The following AP3B2 variants were observed in gnomAD, a reference collection of about 807,000 sequenced individuals.
The protein encoded by AP3B2 is AP-3 complex subunit beta-2.
Under a neutral mutation model 126.9 loss-of-function variants are expected in AP3B2, and 50 were observed. The observed-to-expected ratio is 0.39, with a 90% CI of 0.31 to 0.50. AP3B2 has a LOEUF of 0.50. AP3B2 is among the 20% of genes least tolerant of loss of function. The probability of loss-of-function intolerance (pLI) is 0.79; values close to 1 mark genes in which losing one functional copy is unlikely to be tolerated. For missense variants in AP3B2, 1,177 were observed against 1,426.4 expected (o/e 0.83, Z 2.82); for synonymous variants, 541 against 565.0 (o/e 0.96, Z 0.60).
chr15:82,663,085 G>A (rs1403910527), intron 22 of AP3B2, 42 bp downstream of exon 22: 1 of 1,541,134 alleles, frequency 6.5e-7, no homozygotes, highest in African/African-American at 1.4e-5. Context: ...GCACAGGGAT[G>A]TGTCCCTGCC....
Position 82,665,313 on chromosome 15 carries a change from T to G in AP3B2, c.1972-10A>C, listed in dbSNP as rs572484411. The G allele has an allele frequency of 6.0e-5, 94 of 1,573,952 alleles. 1 individual carries two copies. The Admixed American group carries it at 8.6e-4, about 14-fold the overall frequency. ...GGGAGAGATCTTCTTCCTGTGTGTG[T>G]GGGGGAGGGTGTTAGGAGGGCTGGG... On this transcript the variant is annotated splice_polypyrimidine_tract_variant and intron_variant, in intron 16 of 26. Coordinates refer to ENST00000535359, the MANE Select transcript of AP3B2 (RefSeq NM_001278512.2). This position sits in a 1 kb window ranked among gnomAD's most constrained non-coding sequence, Gnocchi z 4.4.
chr15:82,674,968 T>C (rs557829133), intron 14 of AP3B2, among the ~76,000 whole-genome samples: 19 of 152,382 alleles, frequency 1.2e-4, no homozygotes, highest in African/African-American at 4.6e-4. Flanking sequence ...TTTAGGACTC[T>C]GGCTCATTGC....
At position 82,664,239 on chromosome 15, in the gene AP3B2, G is replaced by A; in HGVS notation, c.2261+128C>T. On this transcript the variant is annotated intron_variant, in intron 19 of 26. Transcript: ENST00000535359. This position sits in a 1 kb window ranked among gnomAD's most constrained non-coding sequence, Gnocchi z 4.5. ...GCCAGCGAAAGTAGGCGTCATGTGA[G>A]CTGACAGCCCCACCCAGCTCACGAG... 3 of 1,460,838 alleles carry A rather than the reference G, an allele frequency of 2.1e-6. No individual in the cohort carries two copies. The highest frequency in any genetic ancestry group is 2.8e-6 in the Non-Finnish European group (3 of 1,079,062). 90.5% of individuals were successfully genotyped at this position (1,460,838 alleles called of 1,614,324 possible).
intron 14 of AP3B2, 75 bp from the exon 15 acceptor site, chr15:82,667,008 GC>G: frequency 6.1e-6 from 9 of 1,466,106 alleles, no homozygotes; most frequent in Non-Finnish European, 8.4e-6. Flanking sequence ...GATTCTTTAA[GC>G]CGACACTTTC....
intron 1 of AP3B2, chr15:82,689,705 T>G: frequency 2.0e-6 from 1 of 510,136 alleles, no homozygotes; most frequent in East Asian, 3.4e-5. Flanking sequence ...TACCTCAGAA[T>G]GTAACCTTAT....
intron 1 of AP3B2, chr15:82,692,829 A>C (rs1271463950): frequency 6.6e-6 from 1 of 152,106 alleles, no homozygotes; most frequent in Non-Finnish European, 1.5e-5. Context: ...GATCCCTTGC[A>C]CTTGGCTGAG....
At chr15:82,667,956 C>A (rs138070579) in intron 14 of AP3B2, among the ~76,000 whole-genome samples, 4 of 152,232 alleles carry the variant, frequency 2.6e-5, no homozygotes, top group South Asian at 2.1e-4. Context: ...AAGTGGTCAA[C>A]AAGCAGAATG....
At position 82,677,391 on chromosome 15, in the gene AP3B2, A is replaced by G. The variant is rs1164759471; in HGVS notation, c.1379-8T>C. 3 of 1,612,460 alleles carry G rather than the reference A, an allele frequency of 1.9e-6. No homozygotes were observed. ...ACTCTGCAACCACAAGCTCTACAGA[A>G]CAAAAATGAGTGTGTGGACCCCAAG... On this transcript the variant is annotated splice_region_variant and splice_polypyrimidine_tract_variant and intron_variant, in intron 12 of 26. Coordinates refer to ENST00000535359, the MANE Select transcript of AP3B2 (RefSeq NM_001278512.2).
Position 82,680,429 on chromosome 15 carries a change from G to C in AP3B2, c.1055+43C>G, listed in dbSNP as rs552790344. On this transcript the variant is annotated intron_variant, in intron 8 of 26. Coordinates refer to ENST00000535359, the MANE Select transcript of AP3B2 (RefSeq NM_001278512.2). This position sits in a 1 kb window ranked among gnomAD's most constrained non-coding sequence, Gnocchi z 6.1. ...CGGAGCCGGGCAGCCCGTGGGGCGGGGCAGGAGGCGAGGGAGGGGGCGGGG... is the reference window on the plus strand; with the variant it reads ...CGGAGCCGGGCAGCCCGTGGGGCGGCGCAGGAGGCGAGGGAGGGGGCGGGG... The C allele has an allele frequency of 1.1e-4, 154 of 1,453,486 alleles. No homozygotes were observed. In the African/African-American group the frequency reaches 2.1e-3, roughly 20 times the overall value. The allele number at this position is 1,453,486 out of a possible 1,614,324, so 90.0% of individuals were successfully genotyped here.
intron 25 of AP3B2, among the ~76,000 whole-genome samples, chr15:82,661,587 G>C (rs930428255): frequency 6.6e-6 from 1 of 152,124 alleles, no homozygotes. Context: ...AGCCATACTC[G>C]TTCATTTACA....
rs2047904360 is a variant in AP3B2, at chr15:82,659,757, G to C, written c.3156-47C>G. The C allele has an allele frequency of 3.7e-6, 6 of 1,610,400 alleles. No homozygotes were observed. The East Asian group carries it at 6.7e-5, about 18-fold the overall frequency. ...TGAGGAAGAGCTGCTAAGGGTGACT[G>C]TGTTTGGAAGGGGATCAGCAGCTGG... On this transcript the variant is annotated intron_variant, in intron 26 of 26. Coordinates refer to ENST00000535359, the MANE Select transcript of AP3B2 (RefSeq NM_001278512.2).
In AP3B2 at chr15:82,689,440, T is replaced by C; in HGVS notation, c.127A>G (p.Lys43Glu). The C allele has an allele frequency of 6.2e-7, 1 of 1,613,614 alleles. No individual in the cohort carries two copies. Among genetic ancestry groups the C allele is most frequent in the Non-Finnish European group, 8.5e-7 (1 of 1,179,804 alleles). Reference protein sequence around the residue: ...SSDYKRHDDLKEMLDTNKDSL... With the variant: ...SSDYKRHDDLEEMLDTNKDSL... ...TCCTTGTTGGTGTCCAGCATCTCCTTCAGGTCATCATGCCTGGTGGGAGGT... is the reference window on the plus strand; with the variant it reads ...TCCTTGTTGGTGTCCAGCATCTCCTCCAGGTCATCATGCCTGGTGGGAGGT... Residue 43 changes from lysine to glutamate, a missense_variant, in exon 2 of 27, where the codon AAG (lysine) becomes GAG (glutamate). Physicochemically the swap from Lys to Glu is moderately conservative, Grantham distance 56. Coordinates refer to ENST00000535359, the MANE Select transcript of AP3B2 (RefSeq NM_001278512.2).
chr15:82,665,224 C>A lies in AP3B2; in HGVS notation c.2028+23G>T. On this transcript the variant is annotated intron_variant, in intron 17 of 26. Coordinates refer to ENST00000535359, the MANE Select transcript of AP3B2 (RefSeq NM_001278512.2). This position sits in a 1 kb window ranked among gnomAD's most constrained non-coding sequence, Gnocchi z 4.4. ...GACACAGACAGGGCAGGGGAGAGAG[C>A]ACACGTCACACGAAGGTGGGACCTC... is the stretch of plus-strand genomic sequence containing the variant. 1 of 1,535,900 alleles carries A rather than the reference C, an allele frequency of 6.5e-7. No homozygotes were observed. Among genetic ancestry groups the A allele is most frequent in the Non-Finnish European group, 8.7e-7 (1 of 1,145,972 alleles).
In AP3B2 at chr15:82,662,636, A is replaced by T. The variant is rs2047972144; in HGVS notation, c.2833+58T>A. 3.3e-6 allele frequency: 5 copies of T among 1,501,404 alleles called. No homozygotes were observed. In the South Asian group the frequency reaches 5.0e-5, roughly 15 times the overall value. 93.0% of individuals were successfully genotyped at this position (1,501,404 alleles called of 1,614,324 possible). On this transcript the variant is annotated intron_variant, in intron 23 of 26. Transcript: ENST00000535359. ...GCACAAGGAGGGTATCAGCAACCAC[A>T]GAAAGACTGACTCTGCCCAGGAGCC...
At chr15:82,676,123 C>A (rs2048238368) in intron 14 of AP3B2, among the ~76,000 whole-genome samples, 1 of 152,194 alleles carries the variant, frequency 6.6e-6, no homozygotes, top group African/African-American at 2.4e-5. Flanking sequence ...TGCATGTTCT[C>A]CCATCAGTAC....
In AP3B2 at chr15:82,659,825, C is replaced by T. The variant is rs753989074; in HGVS notation, c.3155+20G>A. ...AGGGCCCCCATGCTCATCATTTCCC[C>T]TCTACTGGTGGCCTAGTACCTGTAC... On this transcript the variant is annotated intron_variant, in intron 26 of 26. Coordinates refer to ENST00000535359, the MANE Select transcript of AP3B2 (RefSeq NM_001278512.2). 11 of 1,612,750 alleles carry T rather than the reference C, an allele frequency of 6.8e-6. No homozygotes were observed. In the South Asian group the frequency reaches 1.1e-4, roughly 16 times the overall value.
chr15:82,666,581 G>A (rs1310014837), intron 15 of AP3B2, among the ~76,000 whole-genome samples, 166 bp downstream of exon 15: 1 of 152,178 alleles, frequency 6.6e-6, no homozygotes, highest in African/African-American at 2.4e-5. Flanking sequence ...GAGGGTGAAA[G>A]AGTAATTCCT....
intron 14 of AP3B2, among the ~76,000 whole-genome samples, chr15:82,668,713 G>A (rs1180047752): frequency 6.6e-6 from 1 of 151,720 alleles, no homozygotes; most frequent in African/African-American, 2.4e-5. Flanking sequence ...GTGGATTGTG[G>A]CATCCTGTGT....
In AP3B2 at chr15:82,677,720, G is replaced by T; in HGVS notation, c.1329C>A (p.Val443=). 4 of 1,604,110 alleles carry T rather than the reference G, an allele frequency of 2.5e-6. No individual in the cohort carries two copies. The highest frequency in any genetic ancestry group is 3.4e-6 in the Non-Finnish European group (4 of 1,175,426). ...CCAGGCCATTGAGGCAGGTGTCACG[G>T]ACTCGGCCGATGTTAGTTGCACAGC... ...IGRCATNIGR[V]RDTCLNGLVQ... The change falls in exon 12 of 27, where the codon GTC becomes GTA. Residue 443 remains valine, a synonymous_variant. Coordinates refer to ENST00000535359, the MANE Select transcript of AP3B2 (RefSeq NM_001278512.2).
Sources: allele counts gnomAD v4.1 joint callset (sites outside exome capture counted in the v4.1 genomes callset), GRCh38; gene constraint gnomAD v4.1.1; non-coding constraint Gnocchi (gnomAD v3.1); transcripts MANE v1.5; gene names NCBI Gene and HGNC (gene_info 2026-07-23, HGNC 2026-07-21).